The following SH3GL3 variants were observed in gnomAD, a reference collection of about 807,000 sequenced individuals.
SH3GL3 encodes endophilin-A3.
SH3GL3 carries 33 observed loss-of-function variants against 47.7 expected under a neutral mutation model. That is an observed-to-expected ratio of 0.69 (90% CI 0.52 to 0.92). The LOEUF (loss-of-function observed/expected upper bound fraction) is 0.92. Among genes scored for constraint, SH3GL3 ranks in the 40% least tolerant of loss-of-function variants. The probability of loss-of-function intolerance (pLI) is 0.00; values close to 1 mark genes in which losing one functional copy is unlikely to be tolerated. For synonymous variants in SH3GL3, 155 were observed against 148.8 expected (o/e 1.04, Z -0.30); for missense variants, 363 against 417.8 (o/e 0.87, Z 1.14).
At chr15:83,556,870 G>A (rs1478110543) in intron 1 of SH3GL3, among the ~76,000 whole-genome samples, 1 of 152,248 alleles carries the variant, frequency 6.6e-6, no homozygotes, top group Non-Finnish European at 1.5e-5. Flanking sequence ...GGTGAGCTGA[G>A]GGCTTGATGG....
chr15:83,590,268 T>C (rs1163747065), intron 8 of SH3GL3, among the ~76,000 whole-genome samples: 2 of 152,212 alleles, frequency 1.3e-5, no homozygotes, highest in Non-Finnish European at 2.9e-5. Flanking sequence ...TAGTTTTGCT[T>C]TGAGTATACA....
Position 83,597,511 on chromosome 15 carries a change from A to T in SH3GL3, c.838+8740A>T, listed in dbSNP as rs118150404. Among the ~76,000 whole-genome samples, 165 of 152,294 alleles carry T rather than the reference A, an allele frequency of 1.1e-3. 1 individual carries two copies. The East Asian group carries it at 0.031, about 28-fold the overall frequency. ...ATAGTGTTCAAATTTACATTTTTAAAAAATTTTACAAGTAACTAGACCTTT... is the reference window on the plus strand; with the variant it reads ...ATAGTGTTCAAATTTACATTTTTAATAAATTTTACAAGTAACTAGACCTTT... On this transcript the variant is annotated intron_variant, in intron 8 of 8. Transcript: ENST00000427482.
intron 1 of SH3GL3, among the ~76,000 whole-genome samples, chr15:83,498,133 T>C (rs1440861301): frequency 6.6e-6 from 1 of 152,232 alleles, no homozygotes; most frequent in African/African-American, 2.4e-5. Context: ...AGGCAGCCTA[T>C]CTGGACAGCT....
chr15:83,591,783 T>TCC lies in SH3GL3; in HGVS notation c.838+3013_838+3014insCC, dbSNP rs2060107695. On this transcript the variant is annotated intron_variant, in intron 8 of 8. Transcript: ENST00000427482. ...TCACTGCAAGCTCCGCCTCCTGGGT[T>TCC]CAGGCCATTCTCCTGCCTCGGCCCC... 3.9e-5 allele frequency among the ~76,000 whole-genome samples: 6 copies of TCC among 152,334 alleles called. No individual in the cohort carries two copies. In the South Asian group the frequency reaches 1.0e-3, roughly 26 times the overall value.
chr15:83,450,004 T>A (rs939120842), intron 1 of SH3GL3, among the ~76,000 whole-genome samples: 1 of 152,210 alleles, frequency 6.6e-6, no homozygotes, highest in African/African-American at 2.4e-5. Flanking sequence ...AGAACTTACC[T>A]GGGGCAGGGG....
intron 1 of SH3GL3, among the ~76,000 whole-genome samples, chr15:83,457,753 T>C (rs1361618857): frequency 6.6e-6 from 1 of 152,218 alleles, no homozygotes; most frequent in Non-Finnish European, 1.5e-5. Flanking sequence ...ATAAACTAAT[T>C]GATAAATCCT....
At chr15:83,603,795 A>T (rs2060447651) in intron 8 of SH3GL3, among the ~76,000 whole-genome samples, 1 of 152,230 alleles carries the variant, frequency 6.6e-6, no homozygotes, top group Non-Finnish European at 1.5e-5. Context: ...TTTAAGAGTT[A>T]TTATAGGCAA....
rs1567228390 is a variant in SH3GL3 at position 83,448,473 on chromosome 15, TGTG to T, written c.45+896_45+898del. 1.1e-3 allele frequency among the ~76,000 whole-genome samples: 164 copies of T among 151,704 alleles called. No individual in the cohort carries two copies. The highest frequency in any genetic ancestry group is 3.8e-3 in the African/African-American group (155 of 41,284). On this transcript the variant is annotated intron_variant, in intron 1 of 8. Transcript: ENST00000427482. This position sits in a 1 kb window ranked among gnomAD's most constrained non-coding sequence, Gnocchi z 4.2. Reference sequence around the variant, plus strand: ...GTGTGTGTGTGTGTGTGTGTGTGTGTGTGTGTGTTGATGACAAGCAAATTTGTT... The same window carrying T: ...GTGTGTGTGTGTGTGTGTGTGTGTGTTGTGTTGATGACAAGCAAATTTGTT...
intron 1 of SH3GL3, among the ~76,000 whole-genome samples, chr15:83,477,033 C>G (rs1022157639): frequency 6.6e-6 from 1 of 152,196 alleles, no homozygotes; most frequent in Non-Finnish European, 1.5e-5. Flanking sequence ...TCAGGAGCTA[C>G]AAGTACCAAA....
At chr15:83,605,178 C>G (rs1212953622) in intron 8 of SH3GL3, among the ~76,000 whole-genome samples, 2 of 152,208 alleles carry the variant, frequency 1.3e-5, no homozygotes, top group African/African-American at 4.8e-5. Context: ...CTGCAGCAAA[C>G]TCTACTGTGT....
At chr15:83,610,064 AGGCTAGGT>A (rs1418905464) in intron 8 of SH3GL3, among the ~76,000 whole-genome samples, 1 of 152,230 alleles carries the variant, frequency 6.6e-6, no homozygotes, top group Non-Finnish European at 1.5e-5. Flanking sequence ...GCGACAGGCA[AGGCTAGGT>A]GGGACCTGGA....
At chr15:83,623,689 T>A (rs1391712620), downstream of SH3GL3, among the ~76,000 whole-genome samples, 1 of 152,256 alleles carries the variant, frequency 6.6e-6, no homozygotes, top group Non-Finnish European at 1.5e-5. Flanking sequence ...AGTTCTAATA[T>A]GAATAGCCAT....
At chr15:83,527,838 A>G (rs1185266731) in intron 1 of SH3GL3, among the ~76,000 whole-genome samples, 1 of 152,028 alleles carries the variant, frequency 6.6e-6, no homozygotes, top group Non-Finnish European at 1.5e-5. Context: ...CTGTAGTGGT[A>G]ACATTTGAAT....
chr15:83,584,789 C>T (rs2059916923), intron 6 of SH3GL3, among the ~76,000 whole-genome samples: 1 of 152,202 alleles, frequency 6.6e-6, no homozygotes, highest in Non-Finnish European at 1.5e-5. Flanking sequence ...CAGCCCAGGT[C>T]TCAACCCGGA....
chr15:83,538,893 G>A (rs904154212), intron 1 of SH3GL3, among the ~76,000 whole-genome samples: 1 of 152,102 alleles, frequency 6.6e-6, no homozygotes, highest in African/African-American at 2.4e-5. Context: ...GAGTCATAGG[G>A]TATGGTTATT....
chr15:83,576,341 C>T (rs939966964), intron 5 of SH3GL3, among the ~76,000 whole-genome samples: 44 of 152,198 alleles, frequency 2.9e-4, no homozygotes, highest in African/African-American at 1.1e-3. Context: ...TCCATAAAGA[C>T]ACTCATTCAT....
chr15:83,479,940 C>T (rs910177547), intron 1 of SH3GL3, among the ~76,000 whole-genome samples: 1 of 152,176 alleles, frequency 6.6e-6, no homozygotes, highest in South Asian at 2.1e-4. Context: ...ATGTGTAAGG[C>T]ACTTGGTAGA....
intron 8 of SH3GL3, among the ~76,000 whole-genome samples, chr15:83,589,267 G>A (rs2060031742): frequency 6.6e-6 from 1 of 152,166 alleles, no homozygotes; most frequent in Non-Finnish European, 1.5e-5. Flanking sequence ...CACCATCGCA[G>A]TTCGCTTCCT....
chr15:83,549,337 G>A (rs2044551003), intron 1 of SH3GL3, among the ~76,000 whole-genome samples: 1 of 152,152 alleles, frequency 6.6e-6, no homozygotes, highest in Non-Finnish European at 1.5e-5. Context: ...ATTGTAGCAG[G>A]TCTGAGTAAT....
Sources: gnomAD v4.1 joint callset for allele counts (sites outside exome capture counted in the v4.1 genomes callset) on GRCh38, gnomAD v4.1.1 for gene constraint, Gnocchi (gnomAD v3.1) non-coding constraint, MANE v1.5 for transcripts, NCBI Gene and HGNC (gene_info 2026-07-23, HGNC 2026-07-21) for gene names.